PCDH9: variants seen among roughly 807,000 people sequenced by gnomAD.
PCDH9 encodes protocadherin 9, also known as protocadherin-9.
PCDH9 carries 24 observed loss-of-function variants against 70.6 expected under a neutral mutation model. That is an observed-to-expected ratio of 0.34 (90% CI 0.25 to 0.48). The LOEUF is 0.48. Among genes scored for constraint, PCDH9 ranks in the 20% least tolerant of loss-of-function variants. The pLI is 0.99. For missense variants in PCDH9, 1,281 were observed against 1,503.6 expected, an observed-to-expected ratio of 0.85 and a Z score of 2.45; for synonymous variants, 562 against 558.5, an observed-to-expected ratio of 1.01 and a Z score of -0.09.
At chr13:66,487,499 C>A (rs1434633622) in intron 4 of PCDH9, among the ~76,000 whole-genome samples, 1 of 151,992 alleles carries the variant, frequency 6.6e-6, no homozygotes, top group African/African-American at 2.4e-5. Flanking sequence ...TATAGCACTG[C>A]CTATTTATAG....
chr13:66,849,281 T>C (rs1052827763), intron 3 of PCDH9, among the ~76,000 whole-genome samples: 7 of 151,902 alleles, frequency 4.6e-5, no homozygotes, highest in Non-Finnish European at 2.9e-5. Context: ...TGGCAATGCA[T>C]GTGGTTTTGT....
intron 2 of PCDH9, among the ~76,000 whole-genome samples, chr13:67,178,777 G>C (rs1261319853): frequency 2.0e-5 from 3 of 152,074 alleles, no homozygotes; most frequent in Non-Finnish European, 4.4e-5. Context: ...AACATTTGCT[G>C]TATGAGGATT....
rs369357682 is a variant in PCDH9 at position 66,598,907 on chromosome 13, T to C, written c.3340+32303A>G. On this transcript the variant is annotated intron_variant, in intron 4 of 4. Coordinates refer to ENST00000377865, the MANE Select transcript of PCDH9 (RefSeq NM_203487.3). ...AGCTTTGATTAGTACAGTGTATCCG[T>C]AAAACTGCTCTAAAGAAAACACAGT... is the stretch of plus-strand genomic sequence containing the variant. 2.1e-3 allele frequency among the ~76,000 whole-genome samples: 325 copies of C among 151,992 alleles called. 1 individual carries two copies. Among genetic ancestry groups the C allele is most frequent in the African/African-American group, 7.4e-3 (309 of 41,538 alleles).
In PCDH9 at chr13:67,225,649, TTA is replaced by T. The variant is rs2089841397; in HGVS notation, c.2790_2791del (p.Asn931GlnfsTer3). Reference sequence around the variant, plus strand: ...GTAGTGCTTGGCCAGGTCAGGACTGTTAGGCTTGAATGTTGTTGGAGGTGCCG... The same window carrying T: ...GTAGTGCTTGGCCAGGTCAGGACTGTGGCTTGAATGTTGTTGGAGGTGCCG... On this transcript the variant is annotated frameshift_variant, in exon 2 of 5. Coordinates refer to ENST00000377865, the MANE Select transcript of PCDH9 (RefSeq NM_203487.3). LOFTEE classifies it high-confidence loss of function. 7 of 1,614,000 alleles carry T rather than the reference TTA, an allele frequency of 4.3e-6. No homozygotes were observed. Among genetic ancestry groups the T allele is most frequent in the Non-Finnish European group, 5.9e-6 (7 of 1,180,022 alleles).
intron 4 of PCDH9, among the ~76,000 whole-genome samples, chr13:66,310,753 A>C (rs975595618): frequency 6.6e-6 from 1 of 152,070 alleles, no homozygotes; most frequent in Non-Finnish European, 1.5e-5. Flanking sequence ...TTGTAAAATA[A>C]ATAAGTCATT....
intron 2 of PCDH9, among the ~76,000 whole-genome samples, chr13:66,908,505 T>A (rs542507865): frequency 6.6e-6 from 1 of 152,182 alleles, no homozygotes; most frequent in African/African-American, 2.4e-5. Flanking sequence ...ACAGGAACAA[T>A]CTTCTATTCA....
chr13:66,357,760 G>GATTAAAAACTA (rs1956408908), intron 4 of PCDH9, among the ~76,000 whole-genome samples: 1 of 152,126 alleles, frequency 6.6e-6, no homozygotes, highest in East Asian at 1.9e-4. Flanking sequence ...TAAAACCTAT[G>GATTAAAAACTA]TGTGTGCTCT....
chr13:66,501,468 A>T (rs960403508), intron 4 of PCDH9, among the ~76,000 whole-genome samples: 1 of 152,062 alleles, frequency 6.6e-6, no homozygotes, highest in Non-Finnish European at 1.5e-5. Flanking sequence ...AATTTTAGGA[A>T]ATCTTCCCTG....
intron 4 of PCDH9, among the ~76,000 whole-genome samples, chr13:66,365,299 G>A (rs995661302): frequency 3.3e-5 from 5 of 152,164 alleles, no homozygotes; most frequent in Non-Finnish European, 7.3e-5. Flanking sequence ...TACCTCTAGA[G>A]AACATGGTTG....
At chr13:67,130,713 G>T (rs546289356) in intron 2 of PCDH9, among the ~76,000 whole-genome samples, 2 of 152,126 alleles carry the variant, frequency 1.3e-5, no homozygotes, top group Non-Finnish European at 2.9e-5. Flanking sequence ...GGCCAGAACT[G>T]CCTCATCATA....
intron 2 of PCDH9, among the ~76,000 whole-genome samples, chr13:67,004,997 T>A (rs545473248): frequency 6.6e-6 from 1 of 152,236 alleles, no homozygotes; most frequent in South Asian, 2.1e-4. Flanking sequence ...ATTTTTGGGA[T>A]CTTTTTCCTC....
intron 2 of PCDH9, among the ~76,000 whole-genome samples, chr13:67,109,032 A>C (rs1334009475): frequency 1.3e-5 from 2 of 152,188 alleles, no homozygotes; most frequent in African/African-American, 4.8e-5. Context: ...TCAACACAGT[A>C]TCTGGAGAAC....
intron 3 of PCDH9, among the ~76,000 whole-genome samples, chr13:66,700,926 AT>A (rs2078633406): frequency 3.0e-5 from 1 of 33,036 alleles, no homozygotes; most frequent in South Asian, 8.6e-4. Context: ...ACATATAAAT[AT>A]ATATATATAT....
chr13:66,893,935 C>T (rs2082135090), intron 3 of PCDH9, among the ~76,000 whole-genome samples: 2 of 151,910 alleles, frequency 1.3e-5, no homozygotes, highest in African/African-American at 4.8e-5. Flanking sequence ...TATGACTTGC[C>T]GATCATCATT....
chr13:67,113,704 C>T (rs1045274855), intron 2 of PCDH9, among the ~76,000 whole-genome samples: 7 of 152,068 alleles, frequency 4.6e-5, no homozygotes, highest in Non-Finnish European at 1.0e-4. Context: ...CCCGCCATCA[C>T]GCCCGGCTAA....
At chr13:66,862,756 A>C (rs1040561243) in intron 3 of PCDH9, among the ~76,000 whole-genome samples, 4 of 152,198 alleles carry the variant, frequency 2.6e-5, no homozygotes, top group Non-Finnish European at 2.9e-5. Flanking sequence ...CCTATGACTC[A>C]TCATTGTTGT....
At chr13:66,717,461 AAAAAAAAAAAAAAAAAAAAATATATATAT>A (rs1390515588) in intron 3 of PCDH9, among the ~76,000 whole-genome samples, 1 of 31,870 alleles carries the variant, frequency 3.1e-5, no homozygotes, top group African/African-American at 8.4e-5. Flanking sequence ...CAAAAAAAAA[AAAAAAAAAAAAAAAAAAAAATATATATAT>A]ATATATATAT....
At chr13:66,425,913 A>G (rs192722761) in intron 4 of PCDH9, among the ~76,000 whole-genome samples, 248 of 151,744 alleles carry the variant, frequency 1.6e-3, no homozygotes, top group African/African-American at 5.6e-3. Context: ...GGTCATTATG[A>G]ATTCTAATCT....
intron 3 of PCDH9, among the ~76,000 whole-genome samples, chr13:66,725,157 G>A (rs1250335905): frequency 1.3e-5 from 2 of 152,044 alleles, no homozygotes; most frequent in African/African-American, 2.4e-5. Context: ...TATAATTGTC[G>A]ATTTCTCTCA....
Sources: allele counts gnomAD v4.1 joint callset (sites outside exome capture counted in the v4.1 genomes callset), GRCh38; gene constraint gnomAD v4.1.1; transcripts MANE v1.5; gene names NCBI Gene and HGNC (gene_info 2026-07-23, HGNC 2026-07-21).